The following MYO1B variants were observed in gnomAD, a reference collection of about 807,000 sequenced individuals.
The protein encoded by MYO1B is unconventional myosin-Ib.
In MYO1B, 72 loss-of-function variants were observed where a neutral mutation model predicts 159.7. The observed-to-expected ratio is 0.45, with a 90% CI of 0.37 to 0.55. The LOEUF (loss-of-function observed/expected upper bound fraction) is 0.55, where lower values mean the gene tolerates loss of function less well. Among genes scored for constraint, MYO1B ranks in the 20% least tolerant of loss-of-function variants. The pLI is 0.00. For synonymous variants in MYO1B, 468 were observed against 473.8 expected (o/e 0.99, Z 0.16); for missense variants, 1,062 against 1,364.8 (o/e 0.78, Z 3.50).
intron 17 of MYO1B, among the ~76,000 whole-genome samples, chr2:191,389,989 A>C (rs1467743805): frequency 1.3e-5 from 2 of 152,178 alleles, no homozygotes; most frequent in Non-Finnish European, 2.9e-5. Context: ...TATAAATGGA[A>C]TCATAACTAC....
chr2:191,366,344 T>G (rs1207503776), intron 11 of MYO1B, among the ~76,000 whole-genome samples: 1 of 152,166 alleles, frequency 6.6e-6, no homozygotes, highest in Non-Finnish European at 1.5e-5. Flanking sequence ...TAAAAGAATT[T>G]GGCTAGAGAT....
At chr2:191,335,128 A>G (rs1407558197) in intron 4 of MYO1B, among the ~76,000 whole-genome samples, 2 of 152,140 alleles carry the variant, frequency 1.3e-5, no homozygotes, top group Non-Finnish European at 1.5e-5. Flanking sequence ...TGTTATCACT[A>G]AGACGCCTGG....
chr2:191,414,762 CT>C, intron 29 of MYO1B, 93 bp downstream of exon 29: 1 of 1,391,172 alleles, frequency 7.2e-7, no homozygotes, highest in Non-Finnish European at 9.4e-7. Context: ...GTTTATATAT[CT>C]GCCTTGCTAA....
chr2:191,384,987 C>T (rs1320703759), intron 15 of MYO1B, among the ~76,000 whole-genome samples: 10 of 152,168 alleles, frequency 6.6e-5, no homozygotes, highest in Admixed American at 6.5e-4. Flanking sequence ...AAATGCTGGT[C>T]AGAGGATGTC....
intron 9 of MYO1B, 63 bp downstream of exon 9, chr2:191,362,434 G>A: frequency 8.0e-7 from 1 of 1,245,090 alleles, no homozygotes; most frequent in Non-Finnish European, 1.1e-6. Flanking sequence ...AGCGGGAGCT[G>A]GTAGCAATTC....
intron 21 of MYO1B, among the ~76,000 whole-genome samples, chr2:191,396,954 C>CACAG (rs1040025150): frequency 6.6e-6 from 1 of 152,074 alleles, no homozygotes; most frequent in African/African-American, 2.4e-5. Flanking sequence ...GAGGAGCCGT[C>CACAG]ACAGTGGACA....
At position 191,253,033 on chromosome 2, in the gene MYO1B, A is replaced by T. The variant is rs1433616229; in HGVS notation, c.-10+7407A>T. ...CTGGAGTATAGTGTTACCCAAAGTGAGTTGTTCCATAAAAAATTAGTAAGT... is the reference window on the plus strand; with the variant it reads ...CTGGAGTATAGTGTTACCCAAAGTGTGTTGTTCCATAAAAAATTAGTAAGT... On this transcript the variant is annotated intron_variant, in intron 1 of 30. Transcript: ENST00000392318. 2.0e-5 allele frequency among the ~76,000 whole-genome samples: 3 copies of T among 151,954 alleles called. No homozygotes were observed. In the East Asian group the frequency reaches 5.8e-4, roughly 29 times the overall value.
Position 191,350,156 on chromosome 2 carries a change from T to C in MYO1B, c.499-6T>C, listed in dbSNP as rs199598639. On this transcript the variant is annotated splice_polypyrimidine_tract_variant and splice_region_variant and intron_variant, in intron 6 of 30. Coordinates refer to ENST00000392318, the MANE Select transcript of MYO1B (RefSeq NM_001130158.3). ...CTAGAAAACTCACAAAATCTTTCTTTGGCAGGGCAAATATATGGATATTGA... is the reference window on the plus strand; with the variant it reads ...CTAGAAAACTCACAAAATCTTTCTTCGGCAGGGCAAATATATGGATATTGA... The C allele has an allele frequency of 9.1e-5, 147 of 1,612,412 alleles. 1 individual carries two copies. In the African/African-American group the frequency reaches 1.6e-3, roughly 17 times the overall value.
intron 9 of MYO1B, 71 bp downstream of exon 9, chr2:191,362,442 T>G: frequency 9.0e-7 from 1 of 1,109,942 alleles, no homozygotes; most frequent in Non-Finnish European, 1.3e-6. Context: ...CTGGTAGCAA[T>G]TCTGAGTTTT....
At chr2:191,333,962 T>TC (rs1691659433) in intron 4 of MYO1B, among the ~76,000 whole-genome samples, 1 of 152,012 alleles carries the variant, frequency 6.6e-6, no homozygotes, top group Non-Finnish European at 1.5e-5. Flanking sequence ...CGCCCACCCC[T>TC]CCCCCCATCC....
At chr2:191,401,440 C>G (rs1280287105) in intron 23 of MYO1B, 4 of 152,206 alleles carry the variant, frequency 2.6e-5, no homozygotes, top group African/African-American at 9.7e-5. Context: ...TCAGCATCAG[C>G]TGTTTGTTTT....
Position 191,294,394 on chromosome 2 carries a change from G to T in MYO1B, c.136-1717G>T, listed in dbSNP as rs544445066. On this transcript the variant is annotated intron_variant, in intron 2 of 30. Transcript: ENST00000392318. ...AATAGTACTTTTCTACTTAAAGAAG[G>T]TTGATTTTTTTAACCAATAGATGTT... Among the ~76,000 whole-genome samples the T allele has an allele frequency of 3.2e-3, 491 of 152,304 alleles. 3 individuals are homozygous for T. Among genetic ancestry groups the T allele is most frequent in the Non-Finnish European group, 5.6e-3 (382 of 68,022 alleles).
Position 191,423,902 on chromosome 2 carries a change from G to A in MYO1B, c.3353G>A (p.Gly1118Glu), listed in dbSNP as rs1460091628. The A allele has an allele frequency of 1.9e-6, 3 of 1,613,942 alleles. No homozygotes were observed. The highest frequency in any genetic ancestry group is 2.5e-6 in the Non-Finnish European group (3 of 1,179,888). ...TTTATTCAGGGAAACCAGAAAAATGGGAGTGTCCCAACATGTAAACGAAAA... is the reference window on the plus strand; with the variant it reads ...TTTATTCAGGGAAACCAGAAAAATGAGAGTGTCCCAACATGTAAACGAAAA... ...VKFIQGNQKN[G>E]SVPTCKRKNN... Residue 1118 changes from glycine to glutamate, a missense_variant, in exon 31 of 31, where the codon GGG becomes GAG. Gly to Glu is a moderately conservative substitution (Grantham distance 98, BLOSUM62 -2). Around this residue, in one of 5 missense-constraint regions of MYO1B, gnomAD observed 609 missense variants for 744.4 expected, o/e 0.82. Coordinates refer to ENST00000392318, the MANE Select transcript of MYO1B (RefSeq NM_001130158.3).
Position 191,341,598 on chromosome 2 carries a change from A to G in MYO1B, c.451+33A>G, listed in dbSNP as rs376431838. The G allele has an allele frequency of 3.4e-5, 53 of 1,551,328 alleles. No individual in the cohort carries two copies. In the African/African-American group the frequency reaches 6.8e-4, roughly 20 times the overall value. On this transcript the variant is annotated intron_variant, in intron 5 of 30. Transcript: ENST00000392318. ...GTGTTATGTTCATTAAGTCGGTGTG[A>G]CTCAAACAGTAGATTGAGTTATGTG...
intron 21 of MYO1B, among the ~76,000 whole-genome samples, chr2:191,399,472 G>A (rs987729634): frequency 6.6e-6 from 1 of 152,358 alleles, no homozygotes; most frequent in African/African-American, 2.4e-5. Flanking sequence ...GATAGACTGT[G>A]TGACCTTCAG....
At chr2:191,358,526 C>T (rs192163996) in intron 7 of MYO1B, among the ~76,000 whole-genome samples, 11 of 152,270 alleles carry the variant, frequency 7.2e-5, no homozygotes, top group Non-Finnish European at 1.6e-4. Context: ...CAGTCATTGC[C>T]ATTTCTACAC....
At chr2:191,249,336 T>C (rs1685975901) in intron 1 of MYO1B, among the ~76,000 whole-genome samples, 1 of 152,228 alleles carries the variant, frequency 6.6e-6, no homozygotes. Context: ...CTTTTTGTCC[T>C]GGCAGTAGCC....
Position 191,313,294 on chromosome 2 carries a change from T to C in MYO1B, c.252-16641T>C, listed in dbSNP as rs369382903. Among the ~76,000 whole-genome samples, 14 of 130,088 alleles carry C rather than the reference T, an allele frequency of 1.1e-4. No individual in the cohort carries two copies. The South Asian group carries it at 3.8e-3, about 35-fold the overall frequency. 85.3% of individuals were successfully genotyped at this position (130,088 alleles called of 152,430 possible). ...GGTGCGACCTCAGCTCACTGCAACG[T>C]CTGCCTCCCGGGTTCCAGGAATTCT... is the stretch of plus-strand genomic sequence containing the variant. On this transcript the variant is annotated intron_variant, in intron 3 of 30. Transcript: ENST00000392318.
rs573033899 is a variant in MYO1B at position 191,255,548 on chromosome 2, C to G, written c.-10+9922C>G. ...GGCTCAGAAGCCCCAAGGTGGGACTCTACTCTGAATGACACAAAGATGGGA... is the reference window on the plus strand; with the variant it reads ...GGCTCAGAAGCCCCAAGGTGGGACTGTACTCTGAATGACACAAAGATGGGA... On this transcript the variant is annotated intron_variant, in intron 1 of 30. Coordinates refer to ENST00000392318, the MANE Select transcript of MYO1B (RefSeq NM_001130158.3). Among the ~76,000 whole-genome samples the G allele has an allele frequency of 1.1e-3, 168 of 152,276 alleles. 1 individual carries two copies. Among genetic ancestry groups the G allele is most frequent in the African/African-American group, 4.0e-3 (165 of 41,546 alleles).
Sources: gnomAD v4.1 joint callset for allele counts (sites outside exome capture counted in the v4.1 genomes callset) on GRCh38, gnomAD v4.1.1 for gene constraint, gnomAD v4.1.1 regional missense constraint, MANE v1.5 for transcripts, NCBI Gene and HGNC (gene_info 2026-07-23, HGNC 2026-07-21) for gene names.